ZSWIM4: variants seen among roughly 807,000 people sequenced by gnomAD.
ZSWIM4 encodes zinc finger SWIM-type containing 4, also known as zinc finger SWIM domain-containing protein 4.
In ZSWIM4, 62 loss-of-function variants were observed where a neutral mutation model predicts 102.5. That is an observed-to-expected ratio of 0.60 (90% CI 0.49 to 0.75). The LOEUF (loss-of-function observed/expected upper bound fraction) is 0.75. ZSWIM4 is among the 30% of genes least tolerant of loss of function. The probability of loss-of-function intolerance (pLI) is 0.00; values close to 1 mark genes in which losing one functional copy is unlikely to be tolerated. For synonymous variants in ZSWIM4, 652 were observed against 674.5 expected, an observed-to-expected ratio of 0.97 and a Z score of 0.52; for missense variants, 1,280 against 1,529.6, an observed-to-expected ratio of 0.84 and a Z score of 2.72.
intron 5 of ZSWIM4, among the ~76,000 whole-genome samples, chr19:13,810,999 C>T (rs1250559390): frequency 8.3e-5 from 12 of 144,216 alleles, no homozygotes; most frequent in Non-Finnish European, 1.8e-4. Flanking sequence ...CTGCAAGCTC[C>T]GCCCCCCAGG....
chr19:13,796,991 C>T (rs62108166), intron 1 of ZSWIM4: 30,518 of 152,284 alleles, frequency 0.2, 3,149 homozygotes, highest in African/African-American at 0.23. Context: ...CTGGGCTGGT[C>T]ATTGCCTCTC....
At chr19:13,827,588 CAAAAAAA>C (rs35504300) in intron 12 of ZSWIM4, among the ~76,000 whole-genome samples, 1 of 72,518 alleles carries the variant, frequency 1.4e-5, no homozygotes, top group Non-Finnish European at 2.7e-5. Flanking sequence ...GTGAGACCCT[CAAAAAAA>C]AAAAAAAAAA....
chr19:13,815,920 G>A (rs965707820), intron 7 of ZSWIM4, among the ~76,000 whole-genome samples: 4 of 151,214 alleles, frequency 2.6e-5, no homozygotes, highest in African/African-American at 9.7e-5. Context: ...TCTAGACTGG[G>A]TGACAGAGCG....
At chr19:13,827,605 AAAG>A (rs1468024407) in intron 12 of ZSWIM4, among the ~76,000 whole-genome samples, 16 of 140,404 alleles carry the variant, frequency 1.1e-4, no homozygotes, top group African/African-American at 4.5e-4. Context: ...AAAAAAAAAA[AAAG>A]AAAAGAAAAA....
In ZSWIM4 at chr19:13,825,783, T is replaced by A; in HGVS notation, c.2379+70T>A. On this transcript the variant is annotated intron_variant, in intron 12 of 13. Coordinates refer to ENST00000590508, the MANE Select transcript of ZSWIM4 (RefSeq NM_001367834.3). The surrounding 1 kb of genome is among the most constrained non-coding windows in gnomAD (Gnocchi z 4.6). Reference sequence around the variant, plus strand: ...GCCAGGACTGACTGTGAGCTGCGCCTCCCGGGGCATGGGCTGAGTGTGAGC... The same window carrying A: ...GCCAGGACTGACTGTGAGCTGCGCCACCCGGGGCATGGGCTGAGTGTGAGC... 6.6e-7 allele frequency: 1 copy of A among 1,519,978 alleles called. No individual in the cohort carries two copies. Among genetic ancestry groups the A allele is most frequent in the South Asian group, 1.2e-5 (1 of 80,730 alleles). 94.2% of individuals were successfully genotyped at this position (1,519,978 alleles called of 1,614,324 possible). A position where few individuals can be genotyped will look rare whatever the true frequency, so the allele number is the denominator to read the frequency against.
chr19:13,804,794 T>C lies in ZSWIM4; in HGVS notation c.358T>C (p.Phe120Leu). 2 of 1,578,672 alleles carry C rather than the reference T, an allele frequency of 1.3e-6. No homozygotes were observed. Among genetic ancestry groups the C allele is most frequent in the Non-Finnish European group, 1.7e-6 (2 of 1,159,882 alleles). ...CGACAGTTTGGCTTTGATCCTAGGATTCCACCTGAGCGGAAACATCCGCGA... is the reference window on the plus strand; with the variant it reads ...CGACAGTTTGGCTTTGATCCTAGGACTCCACCTGAGCGGAAACATCCGCGA... Reference protein sequence around the residue: ...GAVDRVLQVGFHLSGNIREPG... With the variant: ...GAVDRVLQVGLHLSGNIREPG... The change falls in exon 3 of 14, where the codon TTC becomes CTC. Residue 120 changes from phenylalanine (F) to leucine (L), a missense_variant and splice_region_variant. Physicochemically the swap from Phe to Leu is conservative, Grantham distance 22. Transcript: ENST00000590508.
chr19:13,811,440 G>T (rs1975088425), intron 5 of ZSWIM4, among the ~76,000 whole-genome samples: 1 of 151,972 alleles, frequency 6.6e-6, no homozygotes, highest in Admixed American at 6.6e-5. Flanking sequence ...TGAGGTAGGG[G>T]GATCACTTGG....
At chr19:13,808,201 TC>T (rs1426701395) in intron 3 of ZSWIM4, among the ~76,000 whole-genome samples, 4 of 152,110 alleles carry the variant, frequency 2.6e-5, no homozygotes, top group African/African-American at 9.7e-5. Flanking sequence ...ACTCTGGGGA[TC>T]ATAATTCAAC....
rs368996612 is a variant in ZSWIM4, at chr19:13,809,991, CTTT to C, written c.1012+782_1012+784del. Among the ~76,000 whole-genome samples the C allele has an allele frequency of 7.0e-6, 1 of 142,680 alleles. No individual in the cohort carries two copies. The allele number at this position is 142,680 out of a possible 152,430, so 93.6% of individuals were successfully genotyped here. On this transcript the variant is annotated intron_variant, in intron 5 of 13. Transcript: ENST00000590508. The surrounding 1 kb of genome is among the most constrained non-coding windows in gnomAD (Gnocchi z 4.2). ...TTGTTTGTTTGTTTTCTTTTCTTTT[CTTT>C]TTTTTTTTTTGAGAAGGAGTCTCGC...
intron 7 of ZSWIM4, 95 bp from the exon 8 acceptor site, chr19:13,817,121 G>T: frequency 1.3e-6 from 2 of 1,493,672 alleles, no homozygotes; most frequent in African/African-American, 2.8e-5. Context: ...GCATTATGGG[G>T]CTAGGCTGGC....
At chr19:13,826,446 A>C (rs1975612971) in intron 12 of ZSWIM4, among the ~76,000 whole-genome samples, 1 of 152,024 alleles carries the variant, frequency 6.6e-6, no homozygotes, top group South Asian at 2.1e-4. Flanking sequence ...ATGAGATGCC[A>C]ACTCTAGGGG....
At chr19:13,814,239 G>A (rs1239873325) in intron 6 of ZSWIM4, among the ~76,000 whole-genome samples, 2 of 151,808 alleles carry the variant, frequency 1.3e-5, no homozygotes, top group Non-Finnish European at 2.9e-5. Context: ...AGTAGAGATG[G>A]GGTGTCGCCA....
At chr19:13,818,585 G>C (rs142313133) in intron 9 of ZSWIM4, among the ~76,000 whole-genome samples, 1,539 of 152,072 alleles carry the variant, frequency 0.01, 19 homozygotes, top group African/African-American at 0.036. Flanking sequence ...TTTATTTTGC[G>C]ACAGTCTTCA....
chr19:13,809,009 G>C lies in ZSWIM4; in HGVS notation c.861+25G>C. The C allele has an allele frequency of 6.2e-7, 1 of 1,609,300 alleles. No homozygotes were observed. Among genetic ancestry groups the C allele is most frequent in the Non-Finnish European group, 8.5e-7 (1 of 1,176,768 alleles). ...GGTGCCGTGCGGGCCGGCGGGGCGC[G>C]GGGTGCAGAAGGCCCCGGCGGACGC... On this transcript the variant is annotated intron_variant, in intron 4 of 13. Coordinates refer to ENST00000590508, the MANE Select transcript of ZSWIM4 (RefSeq NM_001367834.3). The surrounding 1 kb of genome is among the most constrained non-coding windows in gnomAD (Gnocchi z 4.2).
At chr19:13,829,830 A>T (rs1599620769) in intron 13 of ZSWIM4, among the ~76,000 whole-genome samples, 1 of 152,078 alleles carries the variant, frequency 6.6e-6, no homozygotes, top group South Asian at 2.1e-4. Flanking sequence ...ATCTCAAAAA[A>T]AAAAAAGGAA....
chr19:13,831,122 C>G lies in ZSWIM4; in HGVS notation c.*72C>G. 1 of 1,495,804 alleles carries G rather than the reference C, an allele frequency of 6.7e-7. No individual in the cohort carries two copies. Among genetic ancestry groups the G allele is most frequent in the Non-Finnish European group, 8.9e-7 (1 of 1,128,464 alleles). The allele number at this position is 1,495,804 out of a possible 1,614,324, so 92.7% of individuals were successfully genotyped here. On this transcript the variant is annotated 3_prime_UTR_variant, in exon 14 of 14. Coordinates refer to ENST00000590508, the MANE Select transcript of ZSWIM4 (RefSeq NM_001367834.3). ...CCCCCACCCTTGCTCTCCAATTAGG[C>G]CCACGTGGCATTTCAGTATTATTAA...
At chr19:13,804,736 CA>C (rs1297567633) in intron 2 of ZSWIM4, 55 bp from the exon 3 acceptor site, 1 of 1,465,432 alleles carries the variant, frequency 6.8e-7, no homozygotes, top group African/African-American at 1.4e-5. Flanking sequence ...CTGTGTACCA[CA>C]AACACCGCCT....
chr19:13,809,247 G>A lies in ZSWIM4; in HGVS notation c.1012+27G>A, dbSNP rs751121405. 1.9e-6 allele frequency: 3 copies of A among 1,570,218 alleles called. No individual in the cohort carries two copies. Among genetic ancestry groups the A allele is most frequent in the Non-Finnish European group, 2.6e-6 (3 of 1,157,852 alleles). On this transcript the variant is annotated intron_variant, in intron 5 of 13. Transcript: ENST00000590508. The surrounding 1 kb of genome is among the most constrained non-coding windows in gnomAD (Gnocchi z 4.2). ...TGAGGCCCAAACCCCGGTGCGTGGT[G>A]GACACCGGGACTTCGGCTCCCATGG...
intron 3 of ZSWIM4, among the ~76,000 whole-genome samples, chr19:13,805,446 A>G (rs1974894293): frequency 6.6e-6 from 1 of 152,034 alleles, no homozygotes; most frequent in South Asian, 2.1e-4. Context: ...GGGTATGTCA[A>G]TAGATGGAGC....
Sources: allele counts gnomAD v4.1 joint callset (sites outside exome capture counted in the v4.1 genomes callset), GRCh38; gene constraint gnomAD v4.1.1; non-coding constraint Gnocchi (gnomAD v3.1); transcripts MANE v1.5; gene names NCBI Gene and HGNC (gene_info 2026-07-23, HGNC 2026-07-21).